ZNF467: variants seen among roughly 807,000 people sequenced by gnomAD.
The protein encoded by ZNF467 is zinc finger protein EZI.
A neutral mutation model predicts 47.8 loss-of-function variants in ZNF467; 51 were observed. That is an observed-to-expected ratio of 1.07 (90% CI 0.85 to 1.35). The LOEUF (loss-of-function observed/expected upper bound fraction) is 1.35. Among genes scored for constraint, ZNF467 ranks in the 40% most tolerant of loss-of-function variants. The pLI is 0.00. For synonymous variants in ZNF467, 416 were observed against 372.9 expected, an observed-to-expected ratio of 1.12 and a Z score of -1.33; for missense variants, 992 against 858.1, an observed-to-expected ratio of 1.16 and a Z score of -1.95.
Position 149,765,002 on chromosome 7 carries a change from C to G in ZNF467, c.1500G>C (p.Ser500=), listed in dbSNP as rs546115312. 1.3e-6 allele frequency: 2 copies of G among 1,587,876 alleles called. No individual in the cohort carries two copies. Among genetic ancestry groups the G allele is most frequent in the Non-Finnish European group, 1.7e-6 (2 of 1,172,924 alleles). The change falls in exon 5 of 5, where the codon TCG becomes TCC. Residue 500 remains serine (S), a synonymous_variant. Coordinates refer to ENST00000302017, the MANE Select transcript of ZNF467 (RefSeq NM_207336.3). ...AQCGRRFSRK[S]HLGRHQAVHT... ...GCACCGCCTGGTGGCGGCCCAGGTGCGACTTGCGGCTGAAGCGGCGGCCGC... is the reference window on the plus strand; with the variant it reads ...GCACCGCCTGGTGGCGGCCCAGGTGGGACTTGCGGCTGAAGCGGCGGCCGC...
At chr7:149,771,326 G>T (rs1799398968) in intron 1 of ZNF467, among the ~76,000 whole-genome samples, 1 of 152,174 alleles carries the variant, frequency 6.6e-6, no homozygotes, top group South Asian at 2.1e-4. Flanking sequence ...CACCTGGCAG[G>T]TCTGTCACCG....
At chr7:149,770,279 A>C (rs1481446393) in intron 3 of ZNF467, among the ~76,000 whole-genome samples, 161 bp downstream of exon 3, 1 of 150,858 alleles carries the variant, frequency 6.6e-6, no homozygotes, top group Non-Finnish European at 1.5e-5. Flanking sequence ...ATAGCATCCC[A>C]CACATAATAG....
chr7:149,774,733 G>C (rs1181245302), upstream of ZNF467, among the ~76,000 whole-genome samples: 1 of 152,180 alleles, frequency 6.6e-6, no homozygotes, highest in Non-Finnish European at 1.5e-5. The surrounding 1 kb of genome is among the most constrained non-coding windows in gnomAD (Gnocchi z 5.7). Context: ...GGAAAGGGGG[G>C]TGTCTGGGTG....
chr7:149,775,045 C>T (rs944741893), upstream of ZNF467, among the ~76,000 whole-genome samples: 1 of 152,082 alleles, frequency 6.6e-6, no homozygotes, highest in South Asian at 2.1e-4. Context: ...GGGTGGACCC[C>T]GGATTCCCCT....
In ZNF467 at chr7:149,773,266, A is replaced by T. The variant is rs1250406924; in HGVS notation, c.-201T>A. 1 of 149,532 alleles carries T rather than the reference A, an allele frequency of 6.7e-6. No individual in the cohort carries two copies. The highest frequency in any genetic ancestry group is 2.5e-5 in the African/African-American group (1 of 40,494). 9.3% of individuals were successfully genotyped at this position (149,532 alleles called of 1,614,324 possible). On this transcript the variant is annotated 5_prime_UTR_variant, in exon 1 of 5. Transcript: ENST00000302017. ...AGCCCCGAAACTTCGCGGGGAGGAG[A>T]GGGATAGACGCGCGGGGAGTCGAAG...
chr7:149,771,953 T>C (rs1799430791), intron 1 of ZNF467, among the ~76,000 whole-genome samples: 1 of 134,868 alleles, frequency 7.4e-6, no homozygotes, highest in African/African-American at 2.9e-5. Context: ...CCGGGCCGCC[T>C]CGGCGGCAGC....
In ZNF467 at chr7:149,764,301, T is replaced by TCGCC; in HGVS notation, c.*412_*413insGGCG. 9.9e-6 allele frequency: 5 copies of TCGCC among 503,900 alleles called. No individual in the cohort carries two copies. The highest frequency in any genetic ancestry group is 6.5e-5 in the South Asian group (2 of 30,904). The allele number at this position is 503,900 out of a possible 1,614,324, so 31.2% of individuals were successfully genotyped here. On this transcript the variant is annotated 3_prime_UTR_variant, in exon 5 of 5. Coordinates refer to ENST00000302017, the MANE Select transcript of ZNF467 (RefSeq NM_207336.3). Reference sequence around the variant, plus strand: ...GGGGTGGTCTGTGTGTGGATGGAGGTGGGACAGTGGCTAAGGAGAGTCAGG... The same window carrying TCGCC: ...GGGGTGGTCTGTGTGTGGATGGAGGTCGCCGGGACAGTGGCTAAGGAGAGTCAGG...
chr7:149,771,961 A>G (rs1485909464), intron 1 of ZNF467, among the ~76,000 whole-genome samples: 1 of 127,432 alleles, frequency 7.8e-6, no homozygotes, highest in Non-Finnish European at 1.6e-5. Flanking sequence ...CCTCGGCGGC[A>G]GCGCTCCCCT....
In ZNF467 at chr7:149,769,594, C is replaced by T. The variant is rs542574074; in HGVS notation, c.152-394G>A. 1.3e-4 allele frequency among the ~76,000 whole-genome samples: 20 copies of T among 152,342 alleles called. No homozygotes were observed. In the East Asian group the frequency reaches 3.9e-3, roughly 29 times the overall value. ...AAATCACTGGGGAGAATCAGGATGT[C>T]AAAAGCCAGGCACATTCCTGCCTTA... On this transcript the variant is annotated intron_variant, in intron 3 of 4. Transcript: ENST00000302017. This position sits in a 1 kb window ranked among gnomAD's most constrained non-coding sequence, Gnocchi z 5.3.
chr7:149,764,523 G>T lies in ZNF467; in HGVS notation c.*191C>A. Reference sequence around the variant, plus strand: ...GCTCAGCGGTTCCCAGCAAGGGTTCGCTGAGTCTCTGTCCTAGGAGGTCCG... The same window carrying T: ...GCTCAGCGGTTCCCAGCAAGGGTTCTCTGAGTCTCTGTCCTAGGAGGTCCG... On this transcript the variant is annotated 3_prime_UTR_variant, in exon 5 of 5. Coordinates refer to ENST00000302017, the MANE Select transcript of ZNF467 (RefSeq NM_207336.3). 1 of 1,057,592 alleles carries T rather than the reference G, an allele frequency of 9.5e-7. No homozygotes were observed. Among genetic ancestry groups the T allele is most frequent in the Non-Finnish European group, 1.4e-6 (1 of 709,866 alleles). 65.5% of individuals were successfully genotyped at this position (1,057,592 alleles called of 1,614,324 possible).
In ZNF467 at chr7:149,769,424, C is replaced by G. The variant is rs183522463; in HGVS notation, c.152-224G>C. On this transcript the variant is annotated intron_variant, in intron 3 of 4. Transcript: ENST00000302017. The surrounding 1 kb of genome is among the most constrained non-coding windows in gnomAD (Gnocchi z 5.3). ...TGCTAAGGGTATGTAATGAGATGGACTACAAGGTTACAAGAGCCACCACTG... is the reference window on the plus strand; with the variant it reads ...TGCTAAGGGTATGTAATGAGATGGAGTACAAGGTTACAAGAGCCACCACTG... 1.8e-4 allele frequency among the ~76,000 whole-genome samples: 28 copies of G among 152,226 alleles called. No homozygotes were observed. Among genetic ancestry groups the G allele is most frequent in the African/African-American group, 6.5e-4 (27 of 41,530 alleles).
chr7:149,765,808 T>G lies in ZNF467; in HGVS notation c.694A>C (p.Thr232Pro). The G allele has an allele frequency of 6.2e-7, 1 of 1,610,496 alleles. No individual in the cohort carries two copies. The highest frequency in any genetic ancestry group is 2.2e-5 in the East Asian group (1 of 44,724). ...CCCGTGTGCGTGCGCAGGTGGCGGG[T>G]CAGATGGGCCTTCTTGCTGAAGCGC... is the stretch of plus-strand genomic sequence containing the variant. ...DKRFSKKAHL[T>P]RHLRTHTGER... is the part of the protein sequence containing the mutation. The change falls in exon 5 of 5, where the codon ACC (threonine) becomes CCC (proline). Residue 232 changes from threonine to proline, a missense_variant. Transcript: ENST00000302017.
In ZNF467 at chr7:149,773,458, G is replaced by A. The variant is rs1016100248; in HGVS notation, c.-393C>T. 3 of 135,146 alleles carry A rather than the reference G, an allele frequency of 2.2e-5. No individual in the cohort carries two copies. The highest frequency in any genetic ancestry group is 5.7e-5 in the African/African-American group (2 of 35,270). The allele number at this position is 135,146 out of a possible 1,614,324, so 8.4% of individuals were successfully genotyped here. On this transcript the variant is annotated 5_prime_UTR_variant, in exon 1 of 5. Coordinates refer to ENST00000302017, the MANE Select transcript of ZNF467 (RefSeq NM_207336.3). ...ATGGTCCTAAGGCTCCGAGCCTGGA[G>A]TAGGTGTGGAAGTGGGAGCTCAGGA...
In ZNF467 at chr7:149,765,217, G is replaced by A. The variant is rs1221002346; in HGVS notation, c.1285C>T (p.Arg429Trp). ...CCGCAGTCCGGGCAGAAGAAGGACCGCTCGCCCGAGGGGGCGCGCTGGGGC... is the reference window on the plus strand; with the variant it reads ...CCGCAGTCCGGGCAGAAGAAGGACCACTCGCCCGAGGGGGCGCGCTGGGGC... The part of the protein sequence containing the change: ...VVPQRAPSGE[R>W]SFFCPDCGRG... Residue 429 changes from arginine (R) to tryptophan (W), a missense_variant, in exon 5 of 5, where the codon CGG becomes TGG. Coordinates refer to ENST00000302017, the MANE Select transcript of ZNF467 (RefSeq NM_207336.3). 5 of 1,493,828 alleles carry A rather than the reference G, an allele frequency of 3.3e-6. No homozygotes were observed. Among genetic ancestry groups the A allele is most frequent in the Admixed American group, 2.3e-5 (1 of 42,848 alleles). The allele number at this position is 1,493,828 out of a possible 1,614,324, so 92.5% of individuals were successfully genotyped here. A position where few individuals can be genotyped will look rare whatever the true frequency, so the allele number is the denominator to read the frequency against.
upstream of ZNF467, chr7:149,776,054 G>A (rs1347010346): frequency 7.3e-7 from 1 of 1,365,476 alleles, no homozygotes; most frequent in Non-Finnish European, 9.8e-7. Context: ...GCTACTCCCT[G>A]CCCTCCTCTT....
rs147338223 is a variant in ZNF467 at position 149,765,729 on chromosome 7, T to C, written c.773A>G (p.His258Arg). 13 of 1,613,444 alleles carry C rather than the reference T, an allele frequency of 8.1e-6. No individual in the cohort carries two copies. The highest frequency in any genetic ancestry group is 1.3e-5 in the African/African-American group (1 of 74,910). The change falls in exon 5 of 5, where the codon CAC (histidine) becomes CGC (arginine). Residue 258 changes from histidine (H) to arginine (R), a missense_variant. Transcript: ENST00000302017. ...ECGKRFSQKI[H>R]LGSHQKTHTG... Reference sequence around the variant, plus strand: ...GTGGGTCTTTTGGTGCGAGCCCAGGTGGATCTTCTGGCTGAAGCGCTTGCC... The same window carrying C: ...GTGGGTCTTTTGGTGCGAGCCCAGGCGGATCTTCTGGCTGAAGCGCTTGCC...
rs567998273 is a variant in ZNF467 at position 149,765,422 on chromosome 7, G to C, written c.1080C>G (p.Cys360Trp). Residue 360 changes from cysteine (C) to tryptophan (W), a missense_variant, in exon 5 of 5, where the codon TGC (cysteine) becomes TGG (tryptophan). Physicochemically the swap from Cys to Trp is radical, Grantham distance 215 (BLOSUM62 -2). Transcript: ENST00000302017. ...TCTTTTTCCAGCCGAAGCTCAAGCC[G>C]CAGTCGGAGCACGCGAAAGGCTTTG... is the stretch of plus-strand genomic sequence containing the variant. Reference protein sequence around the residue: ...PGPKPFACSDCGLSFGWKKNL... With the variant: ...PGPKPFACSDWGLSFGWKKNL... The C allele has an allele frequency of 6.3e-7, 1 of 1,576,644 alleles. No individual in the cohort carries two copies. The highest frequency in any genetic ancestry group is 1.3e-5 in the African/African-American group (1 of 74,428).
chr7:149,767,535 A>T (rs1390688538), intron 4 of ZNF467, among the ~76,000 whole-genome samples: 1 of 152,188 alleles, frequency 6.6e-6, no homozygotes, highest in Non-Finnish European at 1.5e-5. Context: ...TCTACTCAAG[A>T]ACCATCAATA....
Position 149,764,942 on chromosome 7 carries a change from G to T in ZNF467, c.1560C>A (p.Cys520Ter). 1 of 1,579,632 alleles carries T rather than the reference G, an allele frequency of 6.3e-7. No homozygotes were observed. ...TGGTTTTGGAGCTGAAGCTGCGGGC[G>T]CAGACGGCGCAGGCGTGGGGGCGGC... The part of the protein sequence containing the change: ...TGSRPHACAV[C>*]ARSFSSKTNL... The change falls in exon 5 of 5, where the codon TGC becomes TGA. Residue 520 changes from cysteine to a stop codon, truncating the protein, a stop_gained. Coordinates refer to ENST00000302017, the MANE Select transcript of ZNF467 (RefSeq NM_207336.3). LOFTEE classifies it high-confidence loss of function.
Sources: gnomAD v4.1 joint callset for allele counts (sites outside exome capture counted in the v4.1 genomes callset) on GRCh38, gnomAD v4.1.1 for gene constraint, Gnocchi (gnomAD v3.1) non-coding constraint, MANE v1.5 for transcripts, NCBI Gene and HGNC (gene_info 2026-07-23, HGNC 2026-07-21) for gene names.